Variants in OR9Q1 observed in about 807,000 individuals in gnomAD.
OR9Q1 encodes olfactory receptor 9Q1.
For synonymous variants in OR9Q1, 153 were observed against 148.6 expected (o/e 1.03, Z -0.22); for missense variants, 374 against 378.8 (o/e 0.99, Z 0.11).
intron 1 of OR9Q1, among the ~76,000 whole-genome samples, chr11:58,048,203 G>C (rs961520786): frequency 6.6e-6 from 1 of 152,072 alleles, no homozygotes; most frequent in African/African-American, 2.4e-5. Flanking sequence ...TGGTACCTAG[G>C]ATAGAAAAAC....
chr11:58,169,296 C>T (rs1419774198), intron 2 of OR9Q1, among the ~76,000 whole-genome samples: 1 of 152,078 alleles, frequency 6.6e-6, no homozygotes, highest in Non-Finnish European at 1.5e-5. Context: ...GTATTAGAAT[C>T]TTGGTGAGCT....
intron 2 of OR9Q1, among the ~76,000 whole-genome samples, chr11:58,154,063 G>C (rs1481045815): frequency 6.6e-6 from 1 of 151,854 alleles, no homozygotes; most frequent in African/African-American, 2.4e-5. Flanking sequence ...GAGAGACAGA[G>C]AGGGAGAGAG....
intron 2 of OR9Q1, among the ~76,000 whole-genome samples, chr11:58,089,138 A>G (rs1485782515): frequency 6.6e-6 from 1 of 151,660 alleles, no homozygotes; most frequent in Non-Finnish European, 1.5e-5. Context: ...TCGGCTTCCC[A>G]AAGTGTTGGG....
chr11:58,034,550 C>A (rs1467992910), intron 1 of OR9Q1, among the ~76,000 whole-genome samples: 1 of 152,050 alleles, frequency 6.6e-6, no homozygotes, highest in Non-Finnish European at 1.5e-5. Context: ...AGAACATAGT[C>A]ACACCTATAT....
intron 2 of OR9Q1, among the ~76,000 whole-genome samples, chr11:58,089,396 A>G (rs1853663304): frequency 6.6e-6 from 1 of 151,918 alleles, no homozygotes; most frequent in Non-Finnish European, 1.5e-5. Context: ...CGTTTATTAC[A>G]TAGGGAATCC....
intron 2 of OR9Q1, among the ~76,000 whole-genome samples, chr11:58,128,051 G>GCCC (rs1468377037): frequency 6.6e-6 from 1 of 151,910 alleles, no homozygotes; most frequent in Non-Finnish European, 1.5e-5. Flanking sequence ...TCATGGTTTT[G>GCCC]TATGTTTGTA....
chr11:58,065,756 G>T (rs535749260), intron 2 of OR9Q1, among the ~76,000 whole-genome samples: 1 of 152,162 alleles, frequency 6.6e-6, no homozygotes, highest in Non-Finnish European at 1.5e-5. Context: ...TTGTGCAAAG[G>T]GGGGCATTGA....
chr11:58,120,821 T>C (rs1018483141), intron 2 of OR9Q1, among the ~76,000 whole-genome samples: 1 of 147,298 alleles, frequency 6.8e-6, no homozygotes, highest in Non-Finnish European at 1.5e-5. Flanking sequence ...TATATATATA[T>C]ATATATACAT....
chr11:58,080,734 A>T (rs1462701171), intron 2 of OR9Q1, among the ~76,000 whole-genome samples: 1 of 152,006 alleles, frequency 6.6e-6, no homozygotes, highest in Non-Finnish European at 1.5e-5. Context: ...CATTTCTCTG[A>T]TGATTAGTGA....
intron 2 of OR9Q1, among the ~76,000 whole-genome samples, chr11:58,178,902 T>TTATATA (rs1191244945): frequency 6.9e-6 from 1 of 144,296 alleles, no homozygotes; most frequent in Non-Finnish European, 1.5e-5. Context: ...TATTTATATA[T>TTATATA]TATATATATT....
At chr11:58,106,210 CATTG>C (rs1853838773) in intron 2 of OR9Q1, among the ~76,000 whole-genome samples, 1 of 149,494 alleles carries the variant, frequency 6.7e-6, no homozygotes, top group African/African-American at 2.5e-5. Context: ...AGTGGTATCT[CATTG>C]TAGTTTTGAT....
chr11:58,139,659 A>T (rs901876709), intron 2 of OR9Q1, among the ~76,000 whole-genome samples: 3 of 152,060 alleles, frequency 2.0e-5, no homozygotes. Context: ...TATATGTGCC[A>T]CATTTTCTTA....
At chr11:58,036,993 A>G (rs1481593463) in intron 1 of OR9Q1, among the ~76,000 whole-genome samples, 1 of 152,224 alleles carries the variant, frequency 6.6e-6, no homozygotes, top group Non-Finnish European at 1.5e-5. Flanking sequence ...TGGGTAAAAT[A>G]GTGTTAATTA....
At chr11:58,098,186 C>T (rs1853749575) in intron 2 of OR9Q1, among the ~76,000 whole-genome samples, 1 of 152,200 alleles carries the variant, frequency 6.6e-6, no homozygotes. Context: ...AAATCATCTG[C>T]ACCCGGGGTT....
At chr11:58,132,333 A>T (rs1854149041) in intron 2 of OR9Q1, among the ~76,000 whole-genome samples, 2 of 152,210 alleles carry the variant, frequency 1.3e-5, no homozygotes, top group Non-Finnish European at 2.9e-5. Flanking sequence ...AGGAGTCTGG[A>T]GCCAGCCTCC....
chr11:58,069,322 A>G (rs1397015483), intron 2 of OR9Q1, among the ~76,000 whole-genome samples: 1 of 152,072 alleles, frequency 6.6e-6, no homozygotes, highest in Non-Finnish European at 1.5e-5. Flanking sequence ...ATGTGGATGG[A>G]ATGAGTTCAC....
chr11:58,089,669 T>C (rs1853666089), intron 2 of OR9Q1, among the ~76,000 whole-genome samples: 1 of 151,892 alleles, frequency 6.6e-6, no homozygotes, highest in Admixed American at 6.6e-5. Flanking sequence ...TTTAAAGTAG[T>C]TTTTTTCTAA....
chr11:58,025,389 A>G (rs1852963130), intron 1 of OR9Q1, among the ~76,000 whole-genome samples: 1 of 152,104 alleles, frequency 6.6e-6, no homozygotes, highest in South Asian at 2.1e-4. Flanking sequence ...TTTGGTAGAG[A>G]CGGGGTTTCA....
At chr11:58,090,899 A>G (rs1189258335) in intron 2 of OR9Q1, among the ~76,000 whole-genome samples, 4 of 151,996 alleles carry the variant, frequency 2.6e-5, no homozygotes, top group Admixed American at 1.3e-4. Flanking sequence ...GAATTTATCC[A>G]TTTCTTCTAG....
Sources: gnomAD v4.1 joint callset for allele counts (sites outside exome capture counted in the v4.1 genomes callset) on GRCh38, gnomAD v4.1.1 for gene constraint, MANE v1.5 for transcripts, NCBI Gene and HGNC (gene_info 2026-07-23, HGNC 2026-07-21) for gene names.